UNC80: variants seen among roughly 807,000 people sequenced by gnomAD.
The protein encoded by UNC80 is protein unc-80 homolog.
UNC80 carries 164 observed loss-of-function variants against 384.6 expected under a neutral mutation model. The observed-to-expected ratio is 0.43, with a 90% CI of 0.38 to 0.49. UNC80 has a LOEUF of 0.49. Among genes scored for constraint, UNC80 ranks in the 20% least tolerant of loss-of-function variants. The pLI, the probability that UNC80 is intolerant of heterozygous loss-of-function variation, is 0.00. For synonymous variants in UNC80, 1,486 were observed against 1,527.8 expected (o/e 0.97, Z 0.64); for missense variants, 3,330 against 4,143.0 (o/e 0.80, Z 5.39).
chr2:209,985,919 A>G (rs2093277327), intron 61 of UNC80, among the ~76,000 whole-genome samples: 2 of 152,128 alleles, frequency 1.3e-5, no homozygotes, highest in Non-Finnish European at 2.9e-5. Flanking sequence ...TTTGCAATTG[A>G]AAATGGGAAA....
Position 209,959,116 on chromosome 2 carries a change from C to G in UNC80, c.7551-3C>G. ...TTATGTAGACTGTTTTTCTGACTCC[C>G]AGGTACCAGGAACAAGGAGCCAAAC... On this transcript the variant is annotated splice_polypyrimidine_tract_variant and splice_region_variant and intron_variant, in intron 49 of 64. Coordinates refer to ENST00000673920, the MANE Select transcript of UNC80 (RefSeq NM_001371986.1). The G allele has an allele frequency of 2.6e-6, 4 of 1,552,036 alleles. No individual in the cohort carries two copies. In the East Asian group the frequency reaches 9.8e-5, roughly 38 times the overall value.
chr2:209,858,936 G>A (rs1044987092), intron 22 of UNC80, among the ~76,000 whole-genome samples: 5 of 151,764 alleles, frequency 3.3e-5, no homozygotes. Context: ...TATTTCTCTT[G>A]CTTTGGTATA....
chr2:209,794,915 A>G (rs766150594), intron 7 of UNC80: 3 of 398,292 alleles, frequency 7.5e-6, no homozygotes, highest in Non-Finnish European at 1.5e-5. Flanking sequence ...AAAATGAACT[A>G]ATATAGTAAA....
Position 209,941,530 on chromosome 2 carries a change from G to T in UNC80, c.6915+41G>T, listed in dbSNP as rs142291844. 8.7e-6 allele frequency: 13 copies of T among 1,491,700 alleles called. No individual in the cohort carries two copies. The East Asian group carries it at 3.0e-4, about 35-fold the overall frequency. The allele number at this position is 1,491,700 out of a possible 1,614,324, so 92.4% of individuals were successfully genotyped here. A position where few individuals can be genotyped will look rare whatever the true frequency, so the allele number is the denominator to read the frequency against. On this transcript the variant is annotated intron_variant, in intron 44 of 64. Transcript: ENST00000673920. ...TCTCCCAACCAGAAAATTAACATGA[G>T]TACTGCTCATATCTAGCCGTTCAAC...
intron 45 of UNC80, among the ~76,000 whole-genome samples, chr2:209,944,832 T>A (rs961710811): frequency 6.6e-6 from 1 of 152,168 alleles, no homozygotes; most frequent in Non-Finnish European, 1.5e-5. Context: ...TACAAATATC[T>A]CTTTTGTTCT....
chr2:209,964,063 G>A (rs2092674762), intron 51 of UNC80, among the ~76,000 whole-genome samples: 1 of 152,124 alleles, frequency 6.6e-6, no homozygotes, highest in African/African-American at 2.4e-5. Flanking sequence ...TCCTAAACCA[G>A]GATGCCTATC....
At chr2:209,829,113 C>T in intron 14 of UNC80, 119 bp from the exon 15 acceptor site, 12 of 1,226,766 alleles carry the variant, frequency 9.8e-6, no homozygotes, top group East Asian at 2.6e-5. Flanking sequence ...GGTTGCCTGT[C>T]ACCAGCGAGT....
intron 5 of UNC80, among the ~76,000 whole-genome samples, chr2:209,787,147 A>T (rs1036680304): frequency 9.0e-6 from 1 of 111,336 alleles, no homozygotes; most frequent in African/African-American, 5.2e-5. Context: ...TATAAAAACT[A>T]CTAAGAAACC....
chr2:209,888,097 C>T lies in UNC80; in HGVS notation c.4113C>T (p.Asp1371=), dbSNP rs766450000. ...TGTGCTCCTCACTGGCATTTTAGGA[C>T]TTGGAGAGCTGCAGACTTCGTTTGG... is the stretch of plus-strand genomic sequence containing the variant. ...LPRPRTEPLV[D]LESCRLRLDP... is the part of the protein sequence containing the mutation. The change falls in exon 26 of 65, where the codon GAC becomes GAT. Residue 1371 remains aspartate, a splice_region_variant and synonymous_variant. Coordinates refer to ENST00000673920, the MANE Select transcript of UNC80 (RefSeq NM_001371986.1). 6.4e-7 allele frequency: 1 copy of T among 1,551,642 alleles called. No homozygotes were observed. Among genetic ancestry groups the T allele is most frequent in the South Asian group, 1.2e-5 (1 of 84,060 alleles).
rs958429913 is a variant in UNC80, at chr2:209,943,506, G to C, written c.7042G>C (p.Glu2348Gln). The C allele has an allele frequency of 3.2e-6, 5 of 1,551,440 alleles. No homozygotes were observed. The Admixed American group carries it at 9.8e-5, about 30-fold the overall frequency. Reference protein sequence around the residue: ...QLFASVAPLLEFPDAANNGPS... With the variant: ...QLFASVAPLLQFPDAANNGPS... ...GTTTGCTAGTGTGGCCCCTCTCCTG[G>C]AATTTCCTGTAAGTAAGCTCTGTGG... The change falls in exon 45 of 65, where the codon GAA (glutamate) becomes CAA (glutamine). Residue 2348 changes from glutamate (E) to glutamine (Q), a missense_variant. Transcript: ENST00000673920.
chr2:209,888,193 C>T lies in UNC80; in HGVS notation c.4209C>T (p.Asp1403=), dbSNP rs1347271163. The change falls in exon 26 of 65, where the codon GAC becomes GAT. Residue 1403 remains aspartate (D), a synonymous_variant. Transcript: ENST00000673920. ...SFAGVLDENE[D]SKDSLHSSSH... ...CTGGGGTCCTGGACGAAAATGAAGA[C>T]TCAAAAGATTCTCTCCACAGCAGCA... The T allele has an allele frequency of 3.2e-6, 5 of 1,551,526 alleles. No homozygotes were observed. In the African/African-American group the frequency reaches 6.8e-5, roughly 21 times the overall value.
chr2:209,944,246 G>A (rs1009749787), intron 45 of UNC80, among the ~76,000 whole-genome samples: 5 of 150,724 alleles, frequency 3.3e-5, no homozygotes, highest in Non-Finnish European at 7.4e-5. Flanking sequence ...AGTAGAAAAC[G>A]GTAAAAGGAA....
intron 21 of UNC80, among the ~76,000 whole-genome samples, chr2:209,846,116 T>A (rs1168840443): frequency 6.6e-6 from 1 of 152,160 alleles, no homozygotes; most frequent in Non-Finnish European, 1.5e-5. Context: ...TTACAGAATT[T>A]CTTTGTTTCT....
chr2:209,974,872 G>A (rs1396694487), intron 56 of UNC80, among the ~76,000 whole-genome samples: 1 of 152,248 alleles, frequency 6.6e-6, no homozygotes, highest in Non-Finnish European at 1.5e-5. Flanking sequence ...AACAGGCCTA[G>A]TAACAGTGAA....
At chr2:209,790,310 A>C (rs1169549800) in intron 6 of UNC80, among the ~76,000 whole-genome samples, 1 of 152,198 alleles carries the variant, frequency 6.6e-6, no homozygotes, top group African/African-American at 2.4e-5. Flanking sequence ...GCCTTCCGTC[A>C]AAATTGGATC....
chr2:209,815,437 A>G, intron 9 of UNC80, 46 bp downstream of exon 9: 1 of 1,533,092 alleles, frequency 6.5e-7, no homozygotes, highest in South Asian at 1.2e-5. Flanking sequence ...TAAATAAAAA[A>G]TGTCAGTGGG....
In UNC80 at chr2:209,829,399, A is replaced by G; in HGVS notation, c.2626+20A>G. On this transcript the variant is annotated intron_variant, in intron 15 of 64. Coordinates refer to ENST00000673920, the MANE Select transcript of UNC80 (RefSeq NM_001371986.1). The stretch of plus-strand genomic sequence containing the variant: ...CTGACAGTAAGTAAAGCTGCACCCA[A>G]GTTCTAGGAGAAGTCGTTGTGAGGT... 2 of 1,550,630 alleles carry G rather than the reference A, an allele frequency of 1.3e-6. No individual in the cohort carries two copies. Among genetic ancestry groups the G allele is most frequent in the East Asian group, 2.4e-5 (1 of 40,894 alleles).
At chr2:209,974,407 T>C (rs1375875740) in intron 56 of UNC80, among the ~76,000 whole-genome samples, 1 of 152,176 alleles carries the variant, frequency 6.6e-6, no homozygotes, top group Non-Finnish European at 1.5e-5. Flanking sequence ...AAGTTTAGGA[T>C]TGCACAGAGG....
In UNC80 at chr2:209,849,640, A is replaced by G. The variant is rs551008844; in HGVS notation, c.3627+17A>G. On this transcript the variant is annotated intron_variant, in intron 22 of 64. Transcript: ENST00000673920. The stretch of plus-strand genomic sequence containing the variant: ...TTGGATCTAGTAAGTTGGTGAAAGA[A>G]TTTTCCCACCCTGCCCCCCATCCCA... The G allele has an allele frequency of 1.3e-6, 2 of 1,549,524 alleles. No homozygotes were observed. Among genetic ancestry groups the G allele is most frequent in the East Asian group, 4.9e-5 (2 of 40,884 alleles).
Sources: allele counts gnomAD v4.1 joint callset (sites outside exome capture counted in the v4.1 genomes callset), GRCh38; gene constraint gnomAD v4.1.1; transcripts MANE v1.5; gene names NCBI Gene and HGNC (gene_info 2026-07-23, HGNC 2026-07-21).